CDC37L1: variants seen among roughly 807,000 people sequenced by gnomAD.
CDC37L1 encodes the protein cell division cycle 37 like 1, HSP90 cochaperone.
In CDC37L1, 32 loss-of-function variants were observed where a neutral mutation model predicts 45.9. The observed-to-expected ratio is 0.70, with a 90% CI of 0.53 to 0.94. The LOEUF is 0.94. Among genes scored for constraint, CDC37L1 ranks in the 40% least tolerant of loss-of-function variants. The probability of loss-of-function intolerance (pLI) is 0.00; values close to 1 mark genes in which losing one functional copy is unlikely to be tolerated. For synonymous variants in CDC37L1, 150 were observed against 133.0 expected, an observed-to-expected ratio of 1.13 and a Z score of -0.88; for missense variants, 434 against 405.7, an observed-to-expected ratio of 1.07 and a Z score of -0.60.
intron 3 of CDC37L1, among the ~76,000 whole-genome samples, chr9:4,689,801 C>CGCCACTCAA (rs1841284883): frequency 6.6e-6 from 1 of 152,144 alleles, no homozygotes; most frequent in Non-Finnish European, 1.5e-5. Flanking sequence ...TTGCCACTCC[C>CGCCACTCAA]GCCTACAGTC....
In CDC37L1 at chr9:4,706,748, T is replaced by A. The variant is rs1044774924; in HGVS notation, c.*636T>A. On this transcript the variant is annotated 3_prime_UTR_variant, in exon 7 of 7. Transcript: ENST00000381854. ...TTTACCCTCAAATTATTCTCAAAAC[T>A]ATATTCCTTAGAATTTGATTTTACC... 1 of 152,344 alleles carries A rather than the reference T, an allele frequency of 6.6e-6. No individual in the cohort carries two copies. The highest frequency in any genetic ancestry group is 2.4e-5 in the African/African-American group (1 of 41,468). 9.4% of individuals were successfully genotyped at this position (152,344 alleles called of 1,614,324 possible).
chr9:4,681,922 T>C (rs892119049), intron 1 of CDC37L1, among the ~76,000 whole-genome samples: 13 of 152,300 alleles, frequency 8.5e-5, no homozygotes, highest in African/African-American at 2.4e-4. Context: ...CTAAAACTTC[T>C]GTATGGTCAT....
chr9:4,696,076 G>A (rs186486059), intron 3 of CDC37L1, among the ~76,000 whole-genome samples: 9 of 152,198 alleles, frequency 5.9e-5, no homozygotes, highest in Admixed American at 2.0e-4. Flanking sequence ...ATGAGCCACC[G>A]TGGCTGGCCC....
At chr9:4,699,299 G>A (rs1563772138) in intron 5 of CDC37L1, among the ~76,000 whole-genome samples, 1 of 152,128 alleles carries the variant, frequency 6.6e-6, no homozygotes, top group Non-Finnish European at 1.5e-5. Flanking sequence ...GACACTCAAG[G>A]GAAATACTCA....
At position 4,685,218 on chromosome 9, in the gene CDC37L1, G is replaced by A. The variant is rs796181689; in HGVS notation, c.414+60G>A. 8 of 1,294,180 alleles carry A rather than the reference G, an allele frequency of 6.2e-6. No individual in the cohort carries two copies. The African/African-American group carries it at 1.2e-4, about 19-fold the overall frequency. 80.2% of individuals were successfully genotyped at this position (1,294,180 alleles called of 1,614,324 possible). The stretch of plus-strand genomic sequence containing the variant: ...AAAACTGAAGTGTTTGTACAAACCA[G>A]TTGTGCGTATTTGGTAGCAAAGCAG... On this transcript the variant is annotated intron_variant, in intron 2 of 6. Transcript: ENST00000381854.
intron 3 of CDC37L1, among the ~76,000 whole-genome samples, chr9:4,689,110 T>C (rs1332680530): frequency 6.6e-6 from 1 of 151,498 alleles, no homozygotes. Context: ...AAGAGGGGGG[T>C]TGATACAAGT....
At chr9:4,695,745 C>A (rs918858651) in intron 3 of CDC37L1, among the ~76,000 whole-genome samples, 1 of 152,148 alleles carries the variant, frequency 6.6e-6, no homozygotes. Context: ...ATTCCTCTGG[C>A]CTCAGCCTCC....
chr9:4,695,560 C>G (rs1177578486), intron 3 of CDC37L1, among the ~76,000 whole-genome samples: 2 of 152,090 alleles, frequency 1.3e-5, no homozygotes, highest in African/African-American at 2.4e-5. Flanking sequence ...GTGGTTCCAT[C>G]ATACCTTCTG....
rs558086662 is a variant in CDC37L1 at position 4,691,887 on chromosome 9, T to C, written c.508+3281T>C. ...ATATTAATTTAAAAACAAAGGCTTT[T>C]ATCTCTTAAATTTCACAACCGTTAT... On this transcript the variant is annotated intron_variant, in intron 3 of 6. Coordinates refer to ENST00000381854, the MANE Select transcript of CDC37L1 (RefSeq NM_017913.4). 1.1e-4 allele frequency among the ~76,000 whole-genome samples: 16 copies of C among 152,350 alleles called. No homozygotes were observed. The East Asian group carries it at 2.7e-3, about 26-fold the overall frequency.
chr9:4,704,682 T>C (rs1224950924), intron 6 of CDC37L1, among the ~76,000 whole-genome samples: 1 of 152,176 alleles, frequency 6.6e-6, no homozygotes, highest in Non-Finnish European at 1.5e-5. Context: ...ACAATAATAT[T>C]GGTCATTTTT....
chr9:4,702,023 C>G lies in CDC37L1; in HGVS notation c.907C>G (p.Pro303Ala). 1 of 1,387,374 alleles carries G rather than the reference C, an allele frequency of 7.2e-7. No individual in the cohort carries two copies. The allele number at this position is 1,387,374 out of a possible 1,614,324, so 85.9% of individuals were successfully genotyped here. The change falls in exon 6 of 7, where the codon CCA becomes GCA. Residue 303 changes from proline (P) to alanine (A), a missense_variant. Pro to Ala is a conservative substitution (Grantham distance 27, BLOSUM62 -1). Transcript: ENST00000381854. ...VGSIGLLESL[P>A]QNPDYLQYSI... ...ATCTATAGGTTTATTAGAATCCTTACCACAGGTAAGTTGGAAAAGTAAATA... is the reference window on the plus strand; with the variant it reads ...ATCTATAGGTTTATTAGAATCCTTAGCACAGGTAAGTTGGAAAAGTAAATA...
chr9:4,680,511 A>C (rs1416565485), intron 1 of CDC37L1, among the ~76,000 whole-genome samples: 1 of 152,216 alleles, frequency 6.6e-6, no homozygotes, highest in African/African-American at 2.4e-5. Context: ...GTGAAAATAT[A>C]TACGCATATA....
intron 4 of CDC37L1, 91 bp downstream of exon 4, chr9:4,697,302 G>C: frequency 1.4e-6 from 1 of 689,900 alleles, no homozygotes. Flanking sequence ...TCTACATTAA[G>C]TCCTTTAAAA....
At position 4,679,729 on chromosome 9, in the gene CDC37L1, T is replaced by G; in HGVS notation, c.-39T>G. The G allele has an allele frequency of 6.3e-7, 1 of 1,579,482 alleles. No individual in the cohort carries two copies. The highest frequency in any genetic ancestry group is 8.6e-7 in the Non-Finnish European group (1 of 1,159,798). ...CCAAGTCTGTTGGCAGTGGCAGTTG[T>G]AGGGCCAAGGGCGGTTGTAGGACCC... On this transcript the variant is annotated 5_prime_UTR_variant, in exon 1 of 7. Coordinates refer to ENST00000381854, the MANE Select transcript of CDC37L1 (RefSeq NM_017913.4).
At chr9:4,682,136 CT>C (rs1841199843) in intron 1 of CDC37L1, among the ~76,000 whole-genome samples, 1 of 146,566 alleles carries the variant, frequency 6.8e-6, no homozygotes, top group South Asian at 2.2e-4. Context: ...TACCATATTA[CT>C]TTTCTTGATA....
chr9:4,684,753 A>G (rs897222971), intron 1 of CDC37L1, 124 bp from the exon 2 acceptor site: 2 of 641,090 alleles, frequency 3.1e-6, no homozygotes, highest in Non-Finnish European at 5.4e-6. Context: ...CTGCAGACCT[A>G]GAACACAGGA....
chr9:4,688,588 C>CA lies in CDC37L1; in HGVS notation c.496dup (p.Ile166AsnfsTer12). ...AGAATCATTTATGCAAAAATATGAG[C>CA]AAAAAATCAGACATTTTGGTAAGTC... On this transcript the variant is annotated frameshift_variant, in exon 3 of 7. Coordinates refer to ENST00000381854, the MANE Select transcript of CDC37L1 (RefSeq NM_017913.4). LOFTEE classifies it high-confidence loss of function. The CA allele has an allele frequency of 6.6e-7, 1 of 1,518,122 alleles. No individual in the cohort carries two copies. The highest frequency in any genetic ancestry group is 8.9e-7 in the Non-Finnish European group (1 of 1,124,712). 94.0% of individuals were successfully genotyped at this position (1,518,122 alleles called of 1,614,324 possible). A position where few individuals can be genotyped will look rare whatever the true frequency, so the allele number is the denominator to read the frequency against.
rs191897118 is a variant in CDC37L1, at chr9:4,697,551, A to G, written c.625-206A>G. On this transcript the variant is annotated intron_variant, in intron 4 of 6. Transcript: ENST00000381854. ...GTAATCATGGTATTAAATCAAGTTC[A>G]GAGCATGGTCTTCCTTTAGTTATTC... 3.9e-5 allele frequency among the ~76,000 whole-genome samples: 6 copies of G among 152,208 alleles called. No homozygotes were observed. The South Asian group carries it at 1.2e-3, about 32-fold the overall frequency.
chr9:4,682,217 C>T (rs1273555335), intron 1 of CDC37L1, among the ~76,000 whole-genome samples: 1 of 141,280 alleles, frequency 7.1e-6, no homozygotes, highest in Non-Finnish European at 1.5e-5. Flanking sequence ...GGCTGGAGTG[C>T]AATGGCACGA....
Sources: allele counts gnomAD v4.1 joint callset (sites outside exome capture counted in the v4.1 genomes callset), GRCh38; gene constraint gnomAD v4.1.1; transcripts MANE v1.5; gene names NCBI Gene and HGNC (gene_info 2026-07-23, HGNC 2026-07-21).